FSTL4: variants seen among roughly 807,000 people sequenced by gnomAD.
The protein encoded by FSTL4 is follistatin-related protein 4.
Under a neutral mutation model 78.2 loss-of-function variants are expected in FSTL4, and 28 were observed. The observed-to-expected ratio is 0.36, with a 90% CI of 0.27 to 0.49. The LOEUF (loss-of-function observed/expected upper bound fraction) is 0.49, where lower values mean the gene tolerates loss of function less well. Ranked by LOEUF, FSTL4 falls within the 20% of genes least tolerant of loss-of-function variation. The pLI, the probability that FSTL4 is intolerant of heterozygous loss-of-function variation, is 0.98. For missense variants in FSTL4, 922 were observed against 1,084.9 expected (o/e 0.85, Z 2.11); for synonymous variants, 422 against 440.5 (o/e 0.96, Z 0.53).
intron 3 of FSTL4, among the ~76,000 whole-genome samples, chr5:133,552,776 C>T (rs1759714076): frequency 6.6e-6 from 1 of 152,070 alleles, no homozygotes; most frequent in South Asian, 2.1e-4. Flanking sequence ...GGTGAGTTTC[C>T]AGGTAGGAGA....
the FSTL4 span, among the ~76,000 whole-genome samples, chr5:133,641,461 C>T: frequency 3.3e-5 from 5 of 152,130 alleles, no homozygotes; most frequent in Admixed American, 3.3e-4. Context: ...CTGAGAGGCA[C>T]TTCTGCAAAC....
chr5:133,820,140 C>T, the FSTL4 span, among the ~76,000 whole-genome samples: 1 of 152,214 alleles, frequency 6.6e-6, no homozygotes, highest in African/African-American at 2.4e-5. Context: ...CCTGTGTCCT[C>T]CAGGGCCCCT....
the FSTL4 span, among the ~76,000 whole-genome samples, chr5:133,650,188 A>G: frequency 6.8e-6 from 1 of 148,080 alleles, no homozygotes; most frequent in Non-Finnish European, 1.5e-5. Flanking sequence ...GCATTAATCT[A>G]TTCATGAAGG....
intron 3 of FSTL4, among the ~76,000 whole-genome samples, chr5:133,562,352 T>C (rs1472998274): frequency 6.6e-6 from 1 of 152,304 alleles, no homozygotes; most frequent in East Asian, 1.9e-4. Flanking sequence ...AATGCAGTTC[T>C]TGATAGCTGA....
chr5:133,599,311 ACTT>A (rs1434930421), intron 2 of FSTL4, among the ~76,000 whole-genome samples: 1 of 152,052 alleles, frequency 6.6e-6, no homozygotes, highest in South Asian at 2.1e-4. Context: ...TGCCATCAAC[ACTT>A]GTAGCAAGGG....
At chr5:133,365,926 C>T (rs1032256807) in intron 4 of FSTL4, among the ~76,000 whole-genome samples, 2 of 152,176 alleles carry the variant, frequency 1.3e-5, no homozygotes, top group African/African-American at 2.4e-5. Context: ...TGGTGGTACC[C>T]GACAAAGGGA....
At chr5:133,819,373 C>G in the FSTL4 span, among the ~76,000 whole-genome samples, 36 of 152,134 alleles carry the variant, frequency 2.4e-4, no homozygotes, top group Non-Finnish European at 4.0e-4. Context: ...TCTGTCTGCT[C>G]CCTGCTCACA....
At chr5:133,485,711 G>C (rs796867709) in intron 3 of FSTL4, among the ~76,000 whole-genome samples, 4 of 152,302 alleles carry the variant, frequency 2.6e-5, no homozygotes, top group African/African-American at 9.6e-5. Context: ...TCGGGTCCTC[G>C]GCAAGCACTC....
At chr5:133,747,348 G>A in the FSTL4 span, among the ~76,000 whole-genome samples, 6 of 152,262 alleles carry the variant, frequency 3.9e-5, no homozygotes, top group East Asian at 1.9e-4. Flanking sequence ...CTACCCCAGC[G>A]AACCCAAATC....
the FSTL4 span, among the ~76,000 whole-genome samples, chr5:133,820,912 T>C: frequency 3.2e-4 from 49 of 152,364 alleles, 2 homozygotes; most frequent in South Asian, 9.5e-3. Context: ...TTATTGATAG[T>C]GTATTCTAAT....
At chr5:133,488,112 A>C (rs1358652420) in intron 3 of FSTL4, among the ~76,000 whole-genome samples, 1 of 152,210 alleles carries the variant, frequency 6.6e-6, no homozygotes, top group African/African-American at 2.4e-5. Flanking sequence ...AAAGGACTGG[A>C]GCTAATTTGA....
intron 3 of FSTL4, among the ~76,000 whole-genome samples, chr5:133,510,977 CA>C (rs1490885556): frequency 6.6e-6 from 1 of 152,202 alleles, no homozygotes; most frequent in African/African-American, 2.4e-5. Context: ...GCCATTCTTA[CA>C]GTGATTTTGT....
the FSTL4 span, among the ~76,000 whole-genome samples, chr5:133,786,182 G>T: frequency 6.6e-6 from 1 of 152,168 alleles, no homozygotes; most frequent in African/African-American, 2.4e-5. Context: ...TTCCTCCCCA[G>T]GTGCCTACCA....
chr5:133,510,332 A>G (rs1758701904), intron 3 of FSTL4, among the ~76,000 whole-genome samples: 1 of 152,036 alleles, frequency 6.6e-6, no homozygotes, highest in African/African-American at 2.4e-5. Flanking sequence ...AAATCCACTG[A>G]CCCCCAAAAG....
the FSTL4 span, among the ~76,000 whole-genome samples, chr5:133,695,130 G>C: frequency 6.6e-6 from 1 of 152,146 alleles, no homozygotes; most frequent in Non-Finnish European, 1.5e-5. Context: ...GGCCTGCCAT[G>C]TTGCAGTTGA....
chr5:133,806,414 T>C, the FSTL4 span, among the ~76,000 whole-genome samples: 1 of 152,204 alleles, frequency 6.6e-6, no homozygotes, highest in African/African-American at 2.4e-5. Flanking sequence ...TTTTATCACC[T>C]TGCAAATGAA....
the FSTL4 span, among the ~76,000 whole-genome samples, chr5:133,815,609 A>C: frequency 0.048 from 7,283 of 152,140 alleles, 204 homozygotes; most frequent in East Asian, 0.094. Flanking sequence ...TACCTGGGGG[A>C]ATCTGGTTTC....
the FSTL4 span, among the ~76,000 whole-genome samples, chr5:133,726,444 T>C: frequency 3.9e-5 from 6 of 152,176 alleles, no homozygotes; most frequent in Non-Finnish European, 8.8e-5. Context: ...CCCATCTGTG[T>C]CCTTTTTGGG....
At chr5:133,802,147 G>A in the FSTL4 span, among the ~76,000 whole-genome samples, 5 of 152,284 alleles carry the variant, frequency 3.3e-5, no homozygotes, top group South Asian at 4.1e-4. Flanking sequence ...TGACTTCCCC[G>A]GTGGACTTTT....
Sources: gnomAD v4.1 joint callset for allele counts (sites outside exome capture counted in the v4.1 genomes callset) on GRCh38, gnomAD v4.1.1 for gene constraint, MANE v1.5 for transcripts, NCBI Gene and HGNC (gene_info 2026-07-23, HGNC 2026-07-21) for gene names.